DNAH6: variants seen among roughly 807,000 people sequenced by gnomAD.
DNAH6 encodes dynein axonemal heavy chain 6.
A neutral mutation model predicts 491.4 loss-of-function variants in DNAH6; 340 were observed. That is an observed-to-expected ratio of 0.69 (90% CI 0.63 to 0.76). The LOEUF (loss-of-function observed/expected upper bound fraction) is 0.76, where lower values mean the gene tolerates loss of function less well. Ranked by LOEUF, DNAH6 falls within the 30% of genes least tolerant of loss-of-function variation. The probability of loss-of-function intolerance (pLI) is 0.00; values close to 1 mark genes in which losing one functional copy is unlikely to be tolerated. For missense variants in DNAH6, 4,443 were observed against 4,972.2 expected, an observed-to-expected ratio of 0.89 and a Z score of 3.20; for synonymous variants, 1,603 against 1,686.1, an observed-to-expected ratio of 0.95 and a Z score of 1.21.
chr2:84,602,248 A>T lies in DNAH6; in HGVS notation c.2869-2091A>T, dbSNP rs186666090. On this transcript the variant is annotated intron_variant, in intron 18 of 76. Transcript: ENST00000389394. ...CATTCAGCCTAAAGAATATCCTTTA[A>T]TATTTCTTATAGAGTATGTATGCTA... Among the ~76,000 whole-genome samples the T allele has an allele frequency of 7.7e-4, 117 of 152,092 alleles. 1 individual carries two copies. Among genetic ancestry groups the T allele is most frequent in the East Asian group, 5.8e-4 (3 of 5,186 alleles).
At chr2:84,734,873 T>G (rs1315956777) in intron 62 of DNAH6, among the ~76,000 whole-genome samples, 1 of 152,236 alleles carries the variant, frequency 6.6e-6, no homozygotes, top group Non-Finnish European at 1.5e-5. Flanking sequence ...TAATGCTTTT[T>G]GCCTTAAATA....
intron 8 of DNAH6, among the ~76,000 whole-genome samples, chr2:84,549,121 C>A (rs1572984840): frequency 1.3e-5 from 2 of 152,312 alleles, no homozygotes; most frequent in South Asian, 4.1e-4. Flanking sequence ...TGGATCTTGA[C>A]CTTGACTGTT....
chr2:84,484,628 T>C, the DNAH6 span, among the ~76,000 whole-genome samples: 1 of 152,182 alleles, frequency 6.6e-6, no homozygotes, highest in Admixed American at 6.5e-5. Context: ...CTGACCATTC[T>C]CTTGTAGTCA....
At chr2:84,633,630 G>A (rs1688602702) in intron 29 of DNAH6, among the ~76,000 whole-genome samples, 1 of 151,644 alleles carries the variant, frequency 6.6e-6, no homozygotes, top group African/African-American at 2.4e-5. Flanking sequence ...CTCTCCCTCT[G>A]TTTTGGGGCT....
At chr2:84,637,477 T>G in intron 31 of DNAH6, 100 bp downstream of exon 31, 1 of 1,254,708 alleles carries the variant, frequency 8.0e-7, no homozygotes, top group Non-Finnish European at 1.1e-6. Flanking sequence ...AATGCCCCTA[T>G]TAATGGTTAC....
intron 76 of DNAH6, among the ~76,000 whole-genome samples, chr2:84,818,737 A>G (rs945962593): frequency 6.6e-6 from 1 of 152,318 alleles, no homozygotes; most frequent in Admixed American, 6.5e-5. Context: ...TAAGAGACAC[A>G]TCACTGTTGC....
At position 84,704,303 on chromosome 2, in the gene DNAH6, G is replaced by C. The variant is rs767900408; in HGVS notation, c.8465+1G>C. 20 of 1,546,256 alleles carry C rather than the reference G, an allele frequency of 1.3e-5. No homozygotes were observed. The highest frequency in any genetic ancestry group is 1.6e-5 in the Non-Finnish European group (18 of 1,142,110). ...CAATCTCCATTCTTTTGAATGCCAA[G>C]TGAGTAATTCAGAGTCATGTATTGC... On this transcript the variant is annotated splice_donor_variant, in intron 51 of 76. Coordinates refer to ENST00000389394, the MANE Select transcript of DNAH6 (RefSeq NM_001370.2). LOFTEE classifies it high-confidence loss of function.
intron 17 of DNAH6, among the ~76,000 whole-genome samples, 162 bp from the exon 18 acceptor site, chr2:84,595,484 G>T (rs1199834967): frequency 6.6e-6 from 1 of 152,124 alleles, no homozygotes; most frequent in East Asian, 1.9e-4. Context: ...GAATAAACAG[G>T]TGATGCTGGA....
chr2:84,509,540 T>G, the DNAH6 span, among the ~76,000 whole-genome samples: 69 of 152,346 alleles, frequency 4.5e-4, no homozygotes, highest in African/African-American at 1.5e-3. Context: ...TTTGGCAGTC[T>G]GTGTCTTTTA....
At chr2:84,760,674 C>A (rs1674488087) in intron 63 of DNAH6, among the ~76,000 whole-genome samples, 1 of 152,018 alleles carries the variant, frequency 6.6e-6, no homozygotes, top group Non-Finnish European at 1.5e-5. Context: ...AGTGAAGATG[C>A]AGAGAAAAGG....
At chr2:84,748,665 C>A (rs1183664003) in intron 63 of DNAH6, among the ~76,000 whole-genome samples, 1 of 152,178 alleles carries the variant, frequency 6.6e-6, no homozygotes, top group Non-Finnish European at 1.5e-5. Context: ...GTCTTCTGAG[C>A]CCTCCAAACT....
At chr2:84,771,427 A>C (rs1489151227) in intron 64 of DNAH6, among the ~76,000 whole-genome samples, 4 of 152,216 alleles carry the variant, frequency 2.6e-5, no homozygotes, top group African/African-American at 9.6e-5. Context: ...ATAATGGTCC[A>C]TACTTCCCAA....
At chr2:84,471,610 A>G in the DNAH6 span, among the ~76,000 whole-genome samples, 5 of 152,108 alleles carry the variant, frequency 3.3e-5, no homozygotes, top group Admixed American at 6.5e-5. Context: ...TTCAGATTCA[A>G]CTGGCTCATA....
chr2:84,585,491 T>A (rs1287468911), intron 15 of DNAH6, among the ~76,000 whole-genome samples: 1 of 152,106 alleles, frequency 6.6e-6, no homozygotes, highest in Non-Finnish European at 1.5e-5. Context: ...AGCTGCTCTC[T>A]AGGCAGGTCA....
At chr2:84,491,247 G>C in the DNAH6 span, among the ~76,000 whole-genome samples, 1 of 152,186 alleles carries the variant, frequency 6.6e-6, no homozygotes, top group Non-Finnish European at 1.5e-5. Flanking sequence ...ACGTATGTGA[G>C]TTCCAGTTTC....
At position 84,611,785 on chromosome 2, in the gene DNAH6, A is replaced by G. The variant is rs772672593; in HGVS notation, c.3406A>G (p.Lys1136Glu). ...AEAKMFLQVD[K>E]SWKEIMRKVN... ...GGCCAAGATGTTCCTTCAGGTGGAT[A>G]AGTCATGGAAAGAAATCATGAGAAA... The change falls in exon 22 of 77, where the codon AAG becomes GAG. Residue 1136 changes from lysine (K) to glutamate (E), a missense_variant. By Grantham distance (56) the Lys-to-Glu change is moderately conservative. This residue lies in a region of DNAH6 where 2,977 missense variants were observed against 3,296.6 expected (regional missense o/e 0.90). Transcript: ENST00000389394. 2.8e-5 allele frequency: 43 copies of G among 1,551,124 alleles called. No individual in the cohort carries two copies. The South Asian group carries it at 4.8e-4, about 17-fold the overall frequency.
At chr2:84,612,486 A>G (rs1313061028) in intron 22 of DNAH6, among the ~76,000 whole-genome samples, 1 of 152,152 alleles carries the variant, frequency 6.6e-6, no homozygotes, top group Non-Finnish European at 1.5e-5. Flanking sequence ...CCTGGTAAAT[A>G]TCCTCAGACA....
At chr2:84,697,156 C>T (rs191539277) in intron 46 of DNAH6, among the ~76,000 whole-genome samples, 1 of 152,202 alleles carries the variant, frequency 6.6e-6, no homozygotes, top group African/African-American at 2.4e-5. Context: ...AGATATATGC[C>T]TAAAATTGTT....
At chr2:84,796,266 TA>T in intron 68 of DNAH6, 39 bp from the exon 69 acceptor site, 2 of 1,362,214 alleles carry the variant, frequency 1.5e-6, no homozygotes, top group Non-Finnish European at 1.9e-6. Context: ...ATCAATTTTT[TA>T]AAAACAGCAA....
Sources: allele counts gnomAD v4.1 joint callset (sites outside exome capture counted in the v4.1 genomes callset), GRCh38; gene constraint gnomAD v4.1.1; regional missense constraint gnomAD v4.1.1; transcripts MANE v1.5; gene names NCBI Gene and HGNC (gene_info 2026-07-23, HGNC 2026-07-21).